STAMBPL1: variants seen among roughly 807,000 people sequenced by gnomAD.
STAMBPL1 encodes the protein STAM binding protein like 1.
In STAMBPL1, 44 loss-of-function variants were observed where a neutral mutation model predicts 52.9. The ratio of observed to expected loss-of-function variants is 0.83; its 90% CI spans 0.65 to 1.07. STAMBPL1 has a LOEUF of 1.07. STAMBPL1 is among the 50% of genes least tolerant of loss of function. STAMBPL1 has a pLI of 0.00. For missense variants in STAMBPL1, 511 were observed against 520.8 expected (o/e 0.98, Z 0.18); for synonymous variants, 164 against 177.3 (o/e 0.92, Z 0.60).
intron 1 of STAMBPL1, among the ~76,000 whole-genome samples, chr10:88,885,631 T>A (rs1167017018): frequency 6.6e-6 from 1 of 152,192 alleles, no homozygotes; most frequent in East Asian, 1.9e-4. Flanking sequence ...GTATCTCCCA[T>A]TGTGAGCTGT....
chr10:88,897,275 G>A (rs898560786), intron 1 of STAMBPL1, among the ~76,000 whole-genome samples: 1 of 152,136 alleles, frequency 6.6e-6, no homozygotes, highest in Non-Finnish European at 1.5e-5. Flanking sequence ...TGGGACAGGG[G>A]TTGGCCTCCA....
intron 1 of STAMBPL1, among the ~76,000 whole-genome samples, chr10:88,895,549 G>A (rs913901636): frequency 1.3e-5 from 2 of 152,232 alleles, no homozygotes; most frequent in Non-Finnish European, 2.9e-5. Context: ...CATTTGCTGT[G>A]AGAAAGAACT....
At chr10:88,883,120 T>G (rs547230954) in intron 1 of STAMBPL1, among the ~76,000 whole-genome samples, 1 of 151,642 alleles carries the variant, frequency 6.6e-6, no homozygotes, top group South Asian at 2.1e-4. Flanking sequence ...TTTGGTTTTT[T>G]GCCCTTGCGA....
At chr10:88,920,962 A>G (rs1341181192) in intron 8 of STAMBPL1, among the ~76,000 whole-genome samples, 1 of 152,184 alleles carries the variant, frequency 6.6e-6, no homozygotes, top group Non-Finnish European at 1.5e-5. Context: ...GAGATAATAA[A>G]ATAAGTATCT....
chr10:88,921,858 T>C (rs1845521290), intron 9 of STAMBPL1, among the ~76,000 whole-genome samples: 1 of 152,190 alleles, frequency 6.6e-6, no homozygotes, highest in South Asian at 2.1e-4. Flanking sequence ...ACTGTGGGTC[T>C]CTGCCTCTTC....
chr10:88,914,510 T>C, intron 6 of STAMBPL1, 24 bp from the exon 7 acceptor site: 1 of 1,463,952 alleles, frequency 6.8e-7, no homozygotes, highest in Non-Finnish European at 9.1e-7. Context: ...TTTTTTAGCC[T>C]TTTCTCCCTT....
intron 4 of STAMBPL1, 119 bp downstream of exon 4, chr10:88,908,896 A>G: frequency 1.3e-6 from 1 of 778,100 alleles, no homozygotes; most frequent in South Asian, 2.3e-5. Flanking sequence ...CAAGAAATTC[A>G]TTCCATTAAC....
intron 1 of STAMBPL1, among the ~76,000 whole-genome samples, chr10:88,889,521 A>G (rs1844624401): frequency 6.6e-6 from 1 of 152,152 alleles, no homozygotes; most frequent in African/African-American, 2.4e-5. Flanking sequence ...AATGTTTCCT[A>G]TAGTTTACAG....
chr10:88,895,499 A>T (rs1255109789), intron 1 of STAMBPL1, among the ~76,000 whole-genome samples: 3 of 152,236 alleles, frequency 2.0e-5, no homozygotes, highest in Non-Finnish European at 4.4e-5. Context: ...CTGTAATAGA[A>T]GTCAACTTTT....
intron 4 of STAMBPL1, among the ~76,000 whole-genome samples, chr10:88,909,938 C>G (rs181408793): frequency 6.6e-6 from 1 of 152,048 alleles, no homozygotes; most frequent in Non-Finnish European, 1.5e-5. Context: ...CCTGAAGTAT[C>G]ATTTATTATC....
intron 1 of STAMBPL1, among the ~76,000 whole-genome samples, chr10:88,885,037 C>T (rs747346141): frequency 7.2e-5 from 11 of 152,200 alleles, no homozygotes; most frequent in Non-Finnish European, 1.3e-4. Flanking sequence ...ATTCTTTTTA[C>T]TATTCTTTAA....
intron 10 of STAMBPL1, 103 bp downstream of exon 10, chr10:88,922,539 G>A (rs942707510): frequency 2.0e-6 from 2 of 990,938 alleles, no homozygotes; most frequent in Non-Finnish European, 3.0e-6. Context: ...ATAAAATACT[G>A]TACTGCTTAG....
intron 1 of STAMBPL1, among the ~76,000 whole-genome samples, chr10:88,883,267 A>G (rs1844452097): frequency 6.6e-6 from 1 of 152,136 alleles, no homozygotes. Flanking sequence ...ATTTCATCAA[A>G]TTGAATCCCA....
chr10:88,911,606 T>C (rs1845227004), intron 5 of STAMBPL1, among the ~76,000 whole-genome samples: 1 of 152,228 alleles, frequency 6.6e-6, no homozygotes, highest in African/African-American at 2.4e-5. Context: ...GATACTCACG[T>C]TCAACATAGC....
At chr10:88,905,397 T>G (rs760147758) in intron 2 of STAMBPL1, 46 bp from the exon 3 acceptor site, 1 of 1,456,028 alleles carries the variant, frequency 6.9e-7, no homozygotes, top group South Asian at 1.1e-5. Flanking sequence ...TATCCTTTTC[T>G]TACTATAATC....
At chr10:88,895,289 C>G (rs1378981332) in intron 1 of STAMBPL1, among the ~76,000 whole-genome samples, 3 of 152,232 alleles carry the variant, frequency 2.0e-5, no homozygotes, top group Non-Finnish European at 2.9e-5. Context: ...GATTTCCCCT[C>G]AGGTCTCATT....
intron 1 of STAMBPL1, among the ~76,000 whole-genome samples, chr10:88,885,505 T>C (rs756041953): frequency 6.6e-6 from 1 of 152,226 alleles, no homozygotes; most frequent in African/African-American, 2.4e-5. Flanking sequence ...ATGTCTCTCC[T>C]TATACTCAAG....
intron 1 of STAMBPL1, among the ~76,000 whole-genome samples, chr10:88,896,862 G>GCACGCA (rs1844823711): frequency 1.3e-5 from 2 of 150,914 alleles, no homozygotes; most frequent in East Asian, 1.9e-4. Flanking sequence ...ATGCACGCAC[G>GCACGCA]CACACACACA....
At chr10:88,883,396 A>G (rs1044377286) in intron 1 of STAMBPL1, among the ~76,000 whole-genome samples, 3 of 152,212 alleles carry the variant, frequency 2.0e-5, no homozygotes, top group African/African-American at 7.2e-5. Context: ...TACTATTGGT[A>G]CCTGTTGACT....
Sources: gnomAD v4.1 joint callset for allele counts (sites outside exome capture counted in the v4.1 genomes callset) on GRCh38, gnomAD v4.1.1 for gene constraint, MANE v1.5 for transcripts, NCBI Gene and HGNC (gene_info 2026-07-23, HGNC 2026-07-21) for gene names.